Variants in RASA1 observed in about 807,000 individuals in gnomAD.
The protein encoded by RASA1 is ras GTPase-activating protein 1.
RASA1 carries 25 observed loss-of-function variants against 132.2 expected under a neutral mutation model. That is an observed-to-expected ratio of 0.19 (90% CI 0.14 to 0.26). The LOEUF is 0.26. Ranked by LOEUF, RASA1 falls within the 10% of genes least tolerant of loss-of-function variation. RASA1 has a pLI of 1.00. For synonymous variants in RASA1, 477 were observed against 449.9 expected (o/e 1.06, Z -0.76); for missense variants, 964 against 1,299.2 (o/e 0.74, Z 3.97).
chr5:87,377,888 G>C (rs2112494392), intron 17 of RASA1, among the ~76,000 whole-genome samples: 1 of 152,194 alleles, frequency 6.6e-6, no homozygotes, highest in African/African-American at 2.4e-5. Context: ...TAGATAAAAT[G>C]GTGGTCCTTA....
chr5:87,348,533 A>G (rs537839680), intron 7 of RASA1, among the ~76,000 whole-genome samples: 1 of 152,178 alleles, frequency 6.6e-6, no homozygotes, highest in South Asian at 2.1e-4. Flanking sequence ...AATAAAATAT[A>G]GTGTATGTGT....
chr5:87,357,456 C>T (rs1036130852), intron 9 of RASA1, among the ~76,000 whole-genome samples: 3 of 151,924 alleles, frequency 2.0e-5, no homozygotes, highest in Non-Finnish European at 4.4e-5. Flanking sequence ...CATACATTTC[C>T]CCATACTGAA....
chr5:87,301,734 ATGG>A, intron 1 of RASA1, among the ~76,000 whole-genome samples: 1 of 152,178 alleles, frequency 6.6e-6, no homozygotes, highest in East Asian at 1.9e-4. Context: ...TTTGTGTGTC[ATGG>A]TGGTCCTCAA....
At chr5:87,335,443 T>G (rs1053519488) in intron 4 of RASA1, among the ~76,000 whole-genome samples, 16 of 142,630 alleles carry the variant, frequency 1.1e-4, no homozygotes, top group African/African-American at 4.1e-4. Context: ...TTTTTTTTTT[T>G]TGTGACAGTT....
chr5:87,309,850 A>AATC (rs1755790187), intron 1 of RASA1, among the ~76,000 whole-genome samples: 1 of 152,114 alleles, frequency 6.6e-6, no homozygotes, highest in South Asian at 2.1e-4. Flanking sequence ...CTAAGTTGAT[A>AATC]ACTTTCCAAG....
In RASA1 at chr5:87,390,937, A is replaced by C. The variant is rs1580422770; in HGVS notation, c.*54A>C. 1.3e-6 allele frequency: 2 copies of C among 1,521,314 alleles called. No homozygotes were observed. The highest frequency in any genetic ancestry group is 4.5e-5 in the East Asian group (2 of 44,132). 94.2% of individuals were successfully genotyped at this position (1,521,314 alleles called of 1,614,324 possible). On this transcript the variant is annotated 3_prime_UTR_variant, in exon 25 of 25. Transcript: ENST00000274376. ...TTCAGCATGTCCAACATGGTAATTC[A>C]CTTCAGTTTAATGTCTCCTTTGCTC...
rs1051047759 is a variant in RASA1 at position 87,282,951 on chromosome 5, C to T, written c.539+13961C>T. 1.6e-4 allele frequency among the ~76,000 whole-genome samples: 25 copies of T among 152,194 alleles called. 1 individual carries two copies. Among genetic ancestry groups the T allele is most frequent in the African/African-American group, 5.8e-4 (24 of 41,546 alleles). On this transcript the variant is annotated intron_variant, in intron 1 of 24. Coordinates refer to ENST00000274376, the MANE Select transcript of RASA1 (RefSeq NM_002890.3). The stretch of plus-strand genomic sequence containing the variant: ...AAACTGAGCTAATTAACCTGCGTTA[C>T]CTTACGTACTCAGCATTTTTTTTGT...
intron 11 of RASA1, among the ~76,000 whole-genome samples, chr5:87,369,528 G>C (rs1760772734): frequency 6.6e-6 from 1 of 152,032 alleles, no homozygotes; most frequent in Non-Finnish European, 1.5e-5. Context: ...TAGCAGTTCA[G>C]CTTCAATCTG....
intron 1 of RASA1, among the ~76,000 whole-genome samples, chr5:87,309,240 G>A (rs1406652930): frequency 6.6e-6 from 1 of 152,048 alleles, no homozygotes; most frequent in Admixed American, 6.6e-5. Context: ...TGCTCTGTAG[G>A]TTATATTTTG....
At chr5:87,277,433 G>A (rs748329242) in intron 1 of RASA1, among the ~76,000 whole-genome samples, 1 of 152,128 alleles carries the variant, frequency 6.6e-6, no homozygotes, top group Non-Finnish European at 1.5e-5. Context: ...GAATCCTATA[G>A]GACGGGTACC....
At chr5:87,358,828 T>G (rs1759854000) in intron 9 of RASA1, among the ~76,000 whole-genome samples, 1 of 152,218 alleles carries the variant, frequency 6.6e-6, no homozygotes, top group South Asian at 2.1e-4. Flanking sequence ...CCAGACTCTT[T>G]CCTTCCTTAG....
chr5:87,311,271 G>A (rs930473875), intron 1 of RASA1, among the ~76,000 whole-genome samples: 5 of 152,138 alleles, frequency 3.3e-5, no homozygotes, highest in African/African-American at 1.2e-4. Context: ...AAAACTGGCA[G>A]TATCTGGTGC....
intron 17 of RASA1, 101 bp downstream of exon 17, chr5:87,377,141 T>C (rs1761382946): frequency 7.1e-7 from 1 of 1,412,036 alleles, no homozygotes; most frequent in Admixed American, 1.7e-5. Context: ...TGTTAAATTA[T>C]ATTGCAAAAT....
intron 24 of RASA1, 120 bp downstream of exon 24, chr5:87,389,647 C>T (rs1177868322): frequency 1.5e-6 from 2 of 1,290,980 alleles, no homozygotes; most frequent in Non-Finnish European, 2.2e-6. Context: ...TGAGACTCTG[C>T]ATCATATTAC....
At chr5:87,291,322 G>A (rs1217176929) in intron 1 of RASA1, among the ~76,000 whole-genome samples, 2 of 152,110 alleles carry the variant, frequency 1.3e-5, no homozygotes, top group South Asian at 2.1e-4. Context: ...TTGAGGCCAG[G>A]AGTTTGAGAC....
In RASA1 at chr5:87,290,427, T is replaced by C. The variant is rs971470341; in HGVS notation, c.539+21437T>C. Among the ~76,000 whole-genome samples, 19 of 152,354 alleles carry C rather than the reference T, an allele frequency of 1.2e-4. 1 individual carries two copies. Among genetic ancestry groups the C allele is most frequent in the Admixed American group, 1.2e-3 (19 of 15,304 alleles). On this transcript the variant is annotated intron_variant, in intron 1 of 24. Coordinates refer to ENST00000274376, the MANE Select transcript of RASA1 (RefSeq NM_002890.3). ...GTTCCCATATTCCACCCCCTCTTTTTCCCACTGTTGACATCCAGCACACTG... is the reference window on the plus strand; with the variant it reads ...GTTCCCATATTCCACCCCCTCTTTTCCCCACTGTTGACATCCAGCACACTG...
intron 2 of RASA1, 34 bp from the exon 3 acceptor site, chr5:87,332,472 AT>A (rs768103774): frequency 1.0e-5 from 16 of 1,574,746 alleles, no homozygotes; most frequent in African/African-American, 6.8e-5. Context: ...GGCTGTAAAG[AT>A]TTTTTTATAC....
chr5:87,364,302 T>C (rs1401392606), intron 11 of RASA1, among the ~76,000 whole-genome samples: 2 of 152,174 alleles, frequency 1.3e-5, no homozygotes. Flanking sequence ...AGCCTTGTCA[T>C]TTCTTTTTTC....
chr5:87,381,211 T>C (rs1761690944), intron 20 of RASA1, among the ~76,000 whole-genome samples: 1 of 152,206 alleles, frequency 6.6e-6, no homozygotes, highest in African/African-American at 2.4e-5. Context: ...ATTTTTCCAA[T>C]GAAGAAGCAG....
Sources: allele counts gnomAD v4.1 joint callset (sites outside exome capture counted in the v4.1 genomes callset), GRCh38; gene constraint gnomAD v4.1.1; transcripts MANE v1.5; gene names NCBI Gene and HGNC (gene_info 2026-07-23, HGNC 2026-07-21).